Variants in SEC24D observed in about 807,000 individuals in gnomAD.
SEC24D encodes SEC24 homolog D, COPII component, also known as protein transport protein Sec24D.
A neutral mutation model predicts 116.9 loss-of-function variants in SEC24D; 69 were observed. The ratio of observed to expected loss-of-function variants is 0.59; its 90% CI spans 0.49 to 0.72. The LOEUF (loss-of-function observed/expected upper bound fraction) is 0.72, where lower values mean the gene tolerates loss of function less well. SEC24D is among the 30% of genes least tolerant of loss of function. The pLI, the probability that SEC24D is intolerant of heterozygous loss-of-function variation, is 0.00. For synonymous variants in SEC24D, 405 were observed against 442.8 expected, an observed-to-expected ratio of 0.91 and a Z score of 1.07; for missense variants, 1,131 against 1,264.1, an observed-to-expected ratio of 0.89 and a Z score of 1.60.
chr4:118,792,134 C>T (rs906063304), intron 8 of SEC24D, among the ~76,000 whole-genome samples: 6 of 151,596 alleles, frequency 4.0e-5, no homozygotes, highest in Admixed American at 1.3e-4. Flanking sequence ...TCTGCCCGGC[C>T]GCGACCCCGT....
In SEC24D at chr4:118,759,232, C is replaced by T. The variant is rs116331616; in HGVS notation, c.1297-1387G>A. 3.1e-3 allele frequency among the ~76,000 whole-genome samples: 470 copies of T among 152,262 alleles called. 1 individual carries two copies. Among genetic ancestry groups the T allele is most frequent in the African/African-American group, 0.011 (446 of 41,550 alleles). On this transcript the variant is annotated intron_variant, in intron 10 of 22. Transcript: ENST00000280551. ...TTCCCATTTCTCTATATGGGAATAA[C>T]GTCACTACATGCCAACTCAAGGCTT...
intron 8 of SEC24D, among the ~76,000 whole-genome samples, chr4:118,784,960 T>G (rs753899244): frequency 6.6e-6 from 1 of 152,158 alleles, no homozygotes; most frequent in Non-Finnish European, 1.5e-5. Flanking sequence ...AAAGCAATCA[T>G]AATTTGTAGT....
chr4:118,833,808 ACT>A, intron 1 of SEC24D, 71 bp from the exon 2 acceptor site: 1 of 690,014 alleles, frequency 1.4e-6, no homozygotes, highest in Admixed American at 2.7e-5. Context: ...AAATATAAAC[ACT>A]GTTATTACAT....
At chr4:118,803,732 C>T (rs1239472861) in intron 7 of SEC24D, among the ~76,000 whole-genome samples, 1 of 152,160 alleles carries the variant, frequency 6.6e-6, no homozygotes, top group Non-Finnish European at 1.5e-5. Flanking sequence ...TTGCCTCCTA[C>T]TAGCTACATT....
intron 8 of SEC24D, among the ~76,000 whole-genome samples, chr4:118,784,272 T>G (rs1015827617): frequency 1.3e-5 from 2 of 152,166 alleles, no homozygotes; most frequent in Non-Finnish European, 2.9e-5. Flanking sequence ...ATTTATATAT[T>G]TATTCTATAT....
intron 2 of SEC24D, 110 bp from the exon 3 acceptor site, chr4:118,824,859 A>G: frequency 4.1e-6 from 4 of 971,140 alleles, no homozygotes; most frequent in Non-Finnish European, 5.9e-6. Context: ...AAACAAATGG[A>G]TTAGAACAAA....
chr4:118,813,254 C>T (rs1017298925), intron 6 of SEC24D, among the ~76,000 whole-genome samples: 3 of 152,144 alleles, frequency 2.0e-5, no homozygotes, highest in African/African-American at 7.2e-5. Flanking sequence ...CCAAGGAAGA[C>T]CTGGAGCCAC....
intron 13 of SEC24D, among the ~76,000 whole-genome samples, chr4:118,750,775 T>C (rs1369630360): frequency 2.0e-5 from 3 of 152,178 alleles, no homozygotes; most frequent in Non-Finnish European, 2.9e-5. Flanking sequence ...TTTGTTTGCT[T>C]CTGTTAGGTG....
rs950651409 is a variant in SEC24D, at chr4:118,815,245, T to C, written c.674-90A>G. On this transcript the variant is annotated intron_variant, in intron 5 of 22. Transcript: ENST00000280551. ...CGATATTATGCTGTTCAGTCAAGCA[T>C]GTTGTATTTTTCATCTTATTAAAAA... The C allele has an allele frequency of 4.0e-6, 6 of 1,486,120 alleles. No individual in the cohort carries two copies. The African/African-American group carries it at 7.0e-5, about 17-fold the overall frequency. 92.1% of individuals were successfully genotyped at this position (1,486,120 alleles called of 1,614,324 possible).
chr4:118,732,607 T>C (rs1725748424), intron 20 of SEC24D, 126 bp downstream of exon 20: 4 of 878,432 alleles, frequency 4.6e-6, no homozygotes, highest in Non-Finnish European at 7.0e-6. Context: ...CCATATATTT[T>C]GAAGGCATTT....
chr4:118,775,511 T>C (rs1728092092), intron 8 of SEC24D, among the ~76,000 whole-genome samples: 1 of 151,942 alleles, frequency 6.6e-6, no homozygotes, highest in Non-Finnish European at 1.5e-5. Flanking sequence ...GGTTTGTTGG[T>C]GGCCAGCAGG....
chr4:118,832,554 T>C (rs899836980), intron 2 of SEC24D, among the ~76,000 whole-genome samples: 6 of 151,864 alleles, frequency 4.0e-5, no homozygotes, highest in Admixed American at 1.3e-4. Flanking sequence ...CTTAGGTGTG[T>C]ATGCAATTTG....
Position 118,815,015 on chromosome 4 carries a change from G to A in SEC24D, c.801+13C>T. On this transcript the variant is annotated intron_variant, in intron 6 of 22. Coordinates refer to ENST00000280551, the MANE Select transcript of SEC24D (RefSeq NM_014822.4). ...TTTGTGAGTGAGACTGTGAGAGTGA[G>A]AAGAGTACTTACTGGGCTAGGGATA... 6.2e-7 allele frequency: 1 copy of A among 1,612,760 alleles called. No individual in the cohort carries two copies. Among genetic ancestry groups the A allele is most frequent in the Non-Finnish European group, 8.5e-7 (1 of 1,179,508 alleles).
At chr4:118,779,367 G>GT (rs1450678765) in intron 8 of SEC24D, among the ~76,000 whole-genome samples, 1 of 152,136 alleles carries the variant, frequency 6.6e-6, no homozygotes, top group Non-Finnish European at 1.5e-5. Flanking sequence ...TAATCATGTG[G>GT]TTTTTGTCAT....
chr4:118,823,327 C>G (rs1730473463), intron 3 of SEC24D, among the ~76,000 whole-genome samples: 1 of 152,140 alleles, frequency 6.6e-6, no homozygotes, highest in South Asian at 2.1e-4. Flanking sequence ...CCAGCCAGTG[C>G]CAAGCTCACA....
Position 118,768,263 on chromosome 4 carries a change from T to G in SEC24D, c.1090A>C (p.Asn364His), listed in dbSNP as rs747049984. Residue 364 changes from asparagine (N) to histidine (H), a missense_variant, in exon 9 of 23, where the codon AAC becomes CAC. Physicochemically the swap from Asn to His is moderately conservative, Grantham distance 68 (BLOSUM62 1). Coordinates refer to ENST00000280551, the MANE Select transcript of SEC24D (RefSeq NM_014822.4). The part of the protein sequence containing the change: ...NHGESGPVRC[N>H]RCKAYMCPFM... ...GGGCACATGTAGGCCTTGCACCTGT[T>G]GCATCTGACTGGTCCACTCTCGCCG... The G allele has an allele frequency of 7.4e-6, 12 of 1,613,926 alleles. No homozygotes were observed. Among genetic ancestry groups the G allele is most frequent in the Non-Finnish European group, 9.3e-6 (11 of 1,179,874 alleles).
At chr4:118,746,231 G>GGGAGGGAA (rs1553923444) in intron 13 of SEC24D, among the ~76,000 whole-genome samples, 4 of 114,486 alleles carry the variant, frequency 3.5e-5, no homozygotes, top group Non-Finnish European at 7.4e-5. Context: ...GGTTGGGGGA[G>GGGAGGGAA]GGAGGGAGGG....
chr4:118,824,129 C>T (rs1264739718), intron 3 of SEC24D, among the ~76,000 whole-genome samples: 2 of 152,022 alleles, frequency 1.3e-5, no homozygotes, highest in Non-Finnish European at 2.9e-5. Context: ...CCTACTAATA[C>T]TGTCTTTTTC....
intron 22 of SEC24D, among the ~76,000 whole-genome samples, chr4:118,727,784 A>ATGTC (rs1345445244): frequency 6.6e-6 from 1 of 152,080 alleles, no homozygotes; most frequent in Non-Finnish European, 1.5e-5. Context: ...ATTCATCCAG[A>ATGTC]TGTCATTAGT....
Sources: allele counts gnomAD v4.1 joint callset (sites outside exome capture counted in the v4.1 genomes callset), GRCh38; gene constraint gnomAD v4.1.1; transcripts MANE v1.5; gene names NCBI Gene and HGNC (gene_info 2026-07-23, HGNC 2026-07-21).